The following SLC9A7 variants were observed in gnomAD, a reference collection of about 807,000 sequenced individuals.
SLC9A7 encodes sodium/hydrogen exchanger 7.
SLC9A7 carries 19 observed loss-of-function variants against 52.6 expected under a neutral mutation model. That is an observed-to-expected ratio of 0.36 (90% CI 0.25 to 0.53). The LOEUF (loss-of-function observed/expected upper bound fraction) is 0.53, where lower values mean the gene tolerates loss of function less well. SLC9A7 is among the 20% of genes least tolerant of loss of function. The pLI is 0.91. For missense variants in SLC9A7, 455 were observed against 597.9 expected, an observed-to-expected ratio of 0.76 and a Z score of 2.49; for synonymous variants, 226 against 252.1, an observed-to-expected ratio of 0.90 and a Z score of 0.98.
chrX:46,658,708 A>G (rs1180049973), intron 7 of SLC9A7, among the ~76,000 whole-genome samples: 7 of 110,979 alleles, frequency 6.3e-5, no homozygotes, highest in Non-Finnish European at 9.5e-5. Context: ...CAATAACAGG[A>G]TCTGAAATTG....
chrX:46,606,774 T>G lies in SLC9A7; in HGVS notation c.*178A>C. On this transcript the variant is annotated 3_prime_UTR_variant, in exon 17 of 17. Coordinates refer to ENST00000616978, the MANE Select transcript of SLC9A7 (RefSeq NM_001257291.2). ...ACGTTTGTCTGAATTTAGAGACACTTTTGCCTCACCATCTGCATTGTGAGT... is the reference window on the plus strand; with the variant it reads ...ACGTTTGTCTGAATTTAGAGACACTGTTGCCTCACCATCTGCATTGTGAGT... The G allele has an allele frequency of 3.6e-6, 4 of 1,096,100 alleles. No homozygotes were observed. The highest frequency in any genetic ancestry group is 4.8e-6 in the Non-Finnish European group (4 of 840,694). The allele number at this position is 1,096,100 out of a possible 1,213,427, so 90.3% of individuals were successfully genotyped here. A position where few individuals can be genotyped will look rare whatever the true frequency, so the allele number is the denominator to read the frequency against.
At chrX:46,705,247 A>G (rs1203631731) in intron 1 of SLC9A7, among the ~76,000 whole-genome samples, 1 of 111,994 alleles carries the variant, frequency 8.9e-6, no homozygotes, top group Non-Finnish European at 1.9e-5. Context: ...CAAGCTCATG[A>G]GATAAGACTT....
rs753330010 is a variant in SLC9A7 at position 46,670,491 on chromosome X, A to ATG, written c.681-774_681-773dup. 1.7e-3 allele frequency among the ~76,000 whole-genome samples: 189 copies of ATG among 110,570 alleles called. 1 individual carries two copies. Among genetic ancestry groups the ATG allele is most frequent in the Middle Eastern group, 4.7e-3 (1 of 215 alleles). On this transcript the variant is annotated intron_variant, in intron 4 of 16. Coordinates refer to ENST00000616978, the MANE Select transcript of SLC9A7 (RefSeq NM_001257291.2). ...ATGTTACAAGGGTATCTGTGCGTGC[A>ATG]TGTGTGTGTGTGTGTCTGTGTGTGT...
At chrX:46,685,739 G>A (rs1222914885) in intron 1 of SLC9A7, 1 of 111,873 alleles carries the variant, frequency 8.9e-6, no homozygotes, top group African/African-American at 3.3e-5. Context: ...TGGTTAGACA[G>A]TTATTTTCTG....
intron 5 of SLC9A7, among the ~76,000 whole-genome samples, chrX:46,665,018 C>A (rs1382992597): frequency 9.0e-6 from 1 of 111,448 alleles, no homozygotes; most frequent in Non-Finnish European, 1.9e-5. Flanking sequence ...GGTCAGGAAC[C>A]GTTCTGTGCC....
chrX:46,604,296 G>A lies in SLC9A7; in HGVS notation c.*2656C>T, dbSNP rs1190139750. The A allele has an allele frequency of 8.9e-6, 1 of 112,118 alleles. No homozygotes were observed. The allele number at this position is 112,118 out of a possible 1,213,427, so 9.2% of individuals were successfully genotyped here. A position where few individuals can be genotyped will look rare whatever the true frequency, so the allele number is the denominator to read the frequency against. On this transcript the variant is annotated 3_prime_UTR_variant, in exon 17 of 17. Coordinates refer to ENST00000616978, the MANE Select transcript of SLC9A7 (RefSeq NM_001257291.2). ...TATTCTTAAGTCCTTCACTAGCCTA[G>A]TTGACCCTGAGGGCTCATGGGTTTG...
chrX:46,628,099 T>C (rs1030371815), intron 14 of SLC9A7, among the ~76,000 whole-genome samples: 1 of 112,550 alleles, frequency 8.9e-6, no homozygotes, highest in Non-Finnish European at 1.9e-5. Context: ...GCTTGTGACC[T>C]TGTCCTGTTG....
At chrX:46,696,410 G>A (rs1348994170) in intron 1 of SLC9A7, among the ~76,000 whole-genome samples, 5 of 111,554 alleles carry the variant, frequency 4.5e-5, no homozygotes, top group South Asian at 3.8e-4. Flanking sequence ...CAGGTTTAGC[G>A]TTACAATACA....
intron 1 of SLC9A7, among the ~76,000 whole-genome samples, chrX:46,756,368 T>C (rs113065662): frequency 1.8e-5 from 2 of 112,524 alleles, no homozygotes; most frequent in Non-Finnish European, 3.8e-5. Flanking sequence ...TGGATTTACT[T>C]GTGTTCAAAG....
In SLC9A7 at chrX:46,659,286, G is replaced by A. The variant is rs12394025; in HGVS notation, c.1041+2730C>T. Reference sequence around the variant, plus strand: ...ATATCATACTGAATGGGCAAAAACTGGAAGCATTCCCTTTGAAAACTGGCA... The same window carrying A: ...ATATCATACTGAATGGGCAAAAACTAGAAGCATTCCCTTTGAAAACTGGCA... On this transcript the variant is annotated intron_variant, in intron 7 of 16. Transcript: ENST00000616978. Among the ~76,000 whole-genome samples the A allele has an allele frequency of 3.3e-3, 348 of 105,944 alleles. 3 individuals carry two copies. Among genetic ancestry groups the A allele is most frequent in the African/African-American group, 0.011 (328 of 28,951 alleles). 92.0% of individuals were successfully genotyped at this position (105,944 alleles called of 115,157 possible). A position where few individuals can be genotyped will look rare whatever the true frequency, so the allele number is the denominator to read the frequency against.
intron 14 of SLC9A7, 52 bp downstream of exon 14, chrX:46,631,534 G>A (rs1273576808): frequency 8.7e-6 from 9 of 1,031,599 alleles, no homozygotes; most frequent in Non-Finnish European, 1.2e-5. Flanking sequence ...TGCCTGGCAT[G>A]TGGCGAATGC....
intron 4 of SLC9A7, among the ~76,000 whole-genome samples, chrX:46,670,971 C>A (rs996597863): frequency 1.8e-5 from 2 of 111,507 alleles, no homozygotes; most frequent in Non-Finnish European, 3.8e-5. Context: ...CATTTTGCTT[C>A]CTATCATCAC....
In SLC9A7 at chrX:46,606,876, C is replaced by A; in HGVS notation, c.*76G>T. ...GTTCAATCTAGTCACTGCCCCACCT[C>A]CAACAACACTAGGGCTTGCAGCTGT... On this transcript the variant is annotated 3_prime_UTR_variant, in exon 17 of 17. Coordinates refer to ENST00000616978, the MANE Select transcript of SLC9A7 (RefSeq NM_001257291.2). 8.4e-7 allele frequency: 1 copy of A among 1,192,661 alleles called. No individual in the cohort carries two copies. Among genetic ancestry groups the A allele is most frequent in the Non-Finnish European group, 1.1e-6 (1 of 883,696 alleles).
At chrX:46,682,960 A>ATTTTTTTTTTTTTTTTTTTTTTT (rs1169630244) in intron 1 of SLC9A7, among the ~76,000 whole-genome samples, 30 of 64,903 alleles carry the variant, frequency 4.6e-4, no homozygotes, top group East Asian at 9.9e-4. Flanking sequence ...CACCCGGCTA[A>ATTTTTTTTTTTTTTTTTTTTTTT]TTTTTTTTTT....
chrX:46,737,288 G>C (rs1330467950), intron 1 of SLC9A7, among the ~76,000 whole-genome samples: 1 of 112,028 alleles, frequency 8.9e-6, no homozygotes, highest in Non-Finnish European at 1.9e-5. Context: ...GGAAAAGCCT[G>C]TAAGAGGGCA....
intron 1 of SLC9A7, among the ~76,000 whole-genome samples, chrX:46,694,028 T>C (rs1944415509): frequency 9.0e-6 from 1 of 110,753 alleles, no homozygotes; most frequent in Non-Finnish European, 1.9e-5. Context: ...ATGAGAATAA[T>C]AGATATGATG....
At position 46,605,999 on chromosome X, in the gene SLC9A7, C is replaced by CA. The variant is rs1489322015; in HGVS notation, c.*952dup. ...TGAAACCCCATCTCTACCAAAAATA[C>CA]AAAAAATTAGCTGGGCATGGTGGTG... On this transcript the variant is annotated 3_prime_UTR_variant, in exon 17 of 17. Coordinates refer to ENST00000616978, the MANE Select transcript of SLC9A7 (RefSeq NM_001257291.2). 3.6e-5 allele frequency: 4 copies of CA among 111,900 alleles called. No individual in the cohort carries two copies. Among genetic ancestry groups the CA allele is most frequent in the African/African-American group, 1.3e-4 (4 of 30,356 alleles). The allele number at this position is 111,900 out of a possible 1,213,427, so 9.2% of individuals were successfully genotyped here.
chrX:46,682,740 C>T (rs919545614), intron 1 of SLC9A7, among the ~76,000 whole-genome samples: 3 of 110,720 alleles, frequency 2.7e-5, no homozygotes, highest in Non-Finnish European at 5.7e-5. Context: ...TTAAGTTGCT[C>T]GGCCACCAGG....
Position 46,606,737 on chromosome X carries a change from G to A in SLC9A7, c.*215C>T. ...CAGCGCACTACTATGTGAAAAAAGT[G>A]GGAATAGGTCTACGTTTGTCTGAAT... On this transcript the variant is annotated 3_prime_UTR_variant, in exon 17 of 17. Transcript: ENST00000616978. 2 of 1,076,249 alleles carry A rather than the reference G, an allele frequency of 1.9e-6. No individual in the cohort carries two copies. The highest frequency in any genetic ancestry group is 3.4e-5 in the East Asian group (1 of 29,563). 88.7% of individuals were successfully genotyped at this position (1,076,249 alleles called of 1,213,427 possible). A position where few individuals can be genotyped will look rare whatever the true frequency, so the allele number is the denominator to read the frequency against.
Sources: gnomAD v4.1 joint callset for allele counts (sites outside exome capture counted in the v4.1 genomes callset) on GRCh38, gnomAD v4.1.1 for gene constraint, MANE v1.5 for transcripts, NCBI Gene and HGNC (gene_info 2026-07-23, HGNC 2026-07-21) for gene names.